The following ATG5 variants were observed in gnomAD, a reference collection of about 807,000 sequenced individuals.
The protein encoded by ATG5 is autophagy related 5, also known as autophagy protein 5.
ATG5 carries 14 observed loss-of-function variants against 36.5 expected under a neutral mutation model. That is an observed-to-expected ratio of 0.38 (90% confidence interval 0.25 to 0.60). ATG5 has a LOEUF of 0.60. Among genes scored for constraint, ATG5 ranks in the 20% least tolerant of loss-of-function variants. The probability of loss-of-function intolerance (pLI) is 0.60; values close to 1 mark genes in which losing one functional copy is unlikely to be tolerated. For missense variants in ATG5, 195 were observed against 326.7 expected (o/e 0.60, Z 3.11); for synonymous variants, 95 against 101.5 (o/e 0.94, Z 0.38).
intron 3 of ATG5, among the ~76,000 whole-genome samples, chr6:106,307,141 A>G (rs1344298023): frequency 1.3e-5 from 2 of 152,220 alleles, no homozygotes; most frequent in Non-Finnish European, 2.9e-5. Context: ...TCTCCTTGCT[A>G]ATAAATAGTC....
chr6:106,262,924 G>C (rs778035680), intron 5 of ATG5, among the ~76,000 whole-genome samples: 23 of 152,300 alleles, frequency 1.5e-4, no homozygotes, highest in Middle Eastern at 6.8e-3. Context: ...GCAGCCATTT[G>C]GGCAGACACC....
At chr6:106,277,445 T>A (rs995478230) in intron 5 of ATG5, among the ~76,000 whole-genome samples, 1 of 152,224 alleles carries the variant, frequency 6.6e-6, no homozygotes, top group Non-Finnish European at 1.5e-5. Context: ...TAATAACTAA[T>A]GGGGACAATT....
Position 106,259,457 on chromosome 6 carries a change from T to C in ATG5, c.479-11213A>G, listed in dbSNP as rs187788791. On this transcript the variant is annotated intron_variant, in intron 5 of 7. Transcript: ENST00000369076. ...TTACAGCTCAGATATCTGAATTGCA[T>C]TACTCTACTGAGTACTAACACCTGA... Among the ~76,000 whole-genome samples the C allele has an allele frequency of 1.8e-3, 279 of 152,310 alleles. 3 individuals are homozygous for C. The highest frequency in any genetic ancestry group is 4.9e-4 in the Non-Finnish European group (33 of 68,024).
chr6:106,250,538 TGAA>T (rs911426994), intron 5 of ATG5, among the ~76,000 whole-genome samples: 4 of 152,358 alleles, frequency 2.6e-5, no homozygotes, highest in African/African-American at 9.6e-5. Flanking sequence ...TATCTTAATG[TGAA>T]GAATACTACT....
chr6:106,292,891 A>T (rs1780371315), intron 4 of ATG5, 137 bp downstream of exon 4: 2 of 653,490 alleles, frequency 3.1e-6, no homozygotes, highest in African/African-American at 3.6e-5. Flanking sequence ...TTATAGACAA[A>T]TACTAATCGA....
intron 6 of ATG5, among the ~76,000 whole-genome samples, chr6:106,230,481 G>C (rs1407935115): frequency 6.6e-6 from 1 of 152,092 alleles, no homozygotes; most frequent in Admixed American, 6.5e-5. Context: ...ATCAAGAAAG[G>C]CGGGAAAAGG....
At chr6:106,220,535 T>A (rs1414160363) in intron 6 of ATG5, among the ~76,000 whole-genome samples, 9 of 152,216 alleles carry the variant, frequency 5.9e-5, no homozygotes. Context: ...TTTGTATTTT[T>A]AAATTGATTT....
At chr6:106,312,657 C>T (rs1770694273) in intron 2 of ATG5, among the ~76,000 whole-genome samples, 1 of 141,516 alleles carries the variant, frequency 7.1e-6, no homozygotes, top group East Asian at 2.1e-4. Flanking sequence ...CACACACACA[C>T]ACATAAAAAC....
At chr6:106,245,044 T>C (rs1200239722) in intron 6 of ATG5, among the ~76,000 whole-genome samples, 3 of 152,208 alleles carry the variant, frequency 2.0e-5, no homozygotes, top group Admixed American at 1.3e-4. Flanking sequence ...CTGCACTTAA[T>C]GTCATCTCTA....
chr6:106,214,356 A>G (rs1337500796), intron 6 of ATG5, among the ~76,000 whole-genome samples: 2 of 152,134 alleles, frequency 1.3e-5, no homozygotes, highest in Non-Finnish European at 2.9e-5. Context: ...TTATCAGACT[A>G]CTTTTATCCT....
At chr6:106,277,367 C>T (rs1324468264) in intron 5 of ATG5, among the ~76,000 whole-genome samples, 1 of 152,168 alleles carries the variant, frequency 6.6e-6, no homozygotes, top group East Asian at 1.9e-4. Context: ...CAGGACATGC[C>T]CTCACTTTGC....
intron 2 of ATG5, among the ~76,000 whole-genome samples, chr6:106,309,560 T>C (rs1354896542): frequency 2.0e-5 from 3 of 152,276 alleles, no homozygotes; most frequent in Non-Finnish European, 2.9e-5. Context: ...AAGAAATAAC[T>C]GTGATTAGTG....
At chr6:106,202,851 TG>T (rs1284509905) in intron 6 of ATG5, among the ~76,000 whole-genome samples, 2 of 152,046 alleles carry the variant, frequency 1.3e-5, no homozygotes, top group Non-Finnish European at 2.9e-5. Flanking sequence ...TTACTAGAGA[TG>T]GGGTTTCACC....
At chr6:106,273,515 T>C (rs993739647) in intron 5 of ATG5, among the ~76,000 whole-genome samples, 16 of 152,180 alleles carry the variant, frequency 1.1e-4, no homozygotes, top group Non-Finnish European at 1.6e-4. Context: ...ATTTGAGTCT[T>C]ATGAGGCATT....
At chr6:106,246,265 C>T (rs1778325335) in intron 6 of ATG5, among the ~76,000 whole-genome samples, 1 of 152,090 alleles carries the variant, frequency 6.6e-6, no homozygotes, top group South Asian at 2.1e-4. Flanking sequence ...TGCCGAGAGT[C>T]CCCATCTGGC....
chr6:106,308,189 A>C lies in ATG5; in HGVS notation c.236+175T>G, dbSNP rs541424105. On this transcript the variant is annotated intron_variant, in intron 3 of 7. Coordinates refer to ENST00000369076, the MANE Select transcript of ATG5 (RefSeq NM_004849.4). ...CCAGTCATCCATGCATCCAAACAGA[A>C]GGCAGAAATATTTTCAATAACGTAT... is the stretch of plus-strand genomic sequence containing the variant. Among the ~76,000 whole-genome samples, 3 of 152,330 alleles carry C rather than the reference A, an allele frequency of 2.0e-5. No individual in the cohort carries two copies. The South Asian group carries it at 6.2e-4, about 32-fold the overall frequency.
chr6:106,207,742 T>C (rs9373839), intron 6 of ATG5, among the ~76,000 whole-genome samples: 23,332 of 151,948 alleles, frequency 0.15, 2,132 homozygotes, highest in Non-Finnish European at 0.2. Context: ...CAGGTTTGAG[T>C]CCTATGAGTT....
At chr6:106,286,555 C>T (rs2114616160) in intron 4 of ATG5, among the ~76,000 whole-genome samples, 1 of 152,326 alleles carries the variant, frequency 6.6e-6, no homozygotes, top group East Asian at 1.9e-4. Flanking sequence ...GTATTCCTAT[C>T]TTTCTATAAT....
chr6:106,219,896 A>G (rs923358371), intron 6 of ATG5, among the ~76,000 whole-genome samples: 2 of 151,426 alleles, frequency 1.3e-5, no homozygotes. Flanking sequence ...TGTGTATCCA[A>G]TCTTGTTTAA....
Sources: allele counts gnomAD v4.1 joint callset (sites outside exome capture counted in the v4.1 genomes callset), GRCh38; gene constraint gnomAD v4.1.1; transcripts MANE v1.5; gene names NCBI Gene and HGNC (gene_info 2026-07-23, HGNC 2026-07-21).